Variants in TMEM178B observed in about 807,000 individuals in gnomAD.
TMEM178B encodes the protein transmembrane protein 178B.
In TMEM178B, 5 loss-of-function variants were observed where a neutral mutation model predicts 31.0. The ratio of observed to expected loss-of-function variants is 0.16; its 90% confidence interval spans 0.08 to 0.34. The LOEUF (loss-of-function observed/expected upper bound fraction) is 0.34. TMEM178B is among the 10% of genes least tolerant of loss of function. The pLI is 1.00. For missense variants in TMEM178B, 275 were observed against 400.3 expected, an observed-to-expected ratio of 0.69 and a Z score of 2.67; for synonymous variants, 164 against 164.0, an observed-to-expected ratio of 1.00 and a Z score of 0.00.
intron 3 of TMEM178B, among the ~76,000 whole-genome samples, chr7:141,463,208 A>G (rs1295661051): frequency 6.6e-6 from 1 of 152,190 alleles, no homozygotes; most frequent in Non-Finnish European, 1.5e-5. Flanking sequence ...CATTCCAACC[A>G]GCTGCGACTG....
intron 2 of TMEM178B, among the ~76,000 whole-genome samples, chr7:141,228,455 A>G (rs979618891): frequency 6.6e-6 from 1 of 152,026 alleles, no homozygotes; most frequent in African/African-American, 2.4e-5. Flanking sequence ...ATGAGTAGCT[A>G]TCACTTACTC....
At chr7:141,146,562 G>A (rs1318931973) in intron 1 of TMEM178B, among the ~76,000 whole-genome samples, 1 of 152,176 alleles carries the variant, frequency 6.6e-6, no homozygotes, top group Non-Finnish European at 1.5e-5. Flanking sequence ...AGATTACTAT[G>A]AGGATTAAAA....
At chr7:141,305,741 G>A (rs1189854191) in intron 2 of TMEM178B, among the ~76,000 whole-genome samples, 2 of 152,160 alleles carry the variant, frequency 1.3e-5, no homozygotes, top group Non-Finnish European at 2.9e-5. Flanking sequence ...GGCTGGCCCT[G>A]TGCTTTTCTT....
intron 2 of TMEM178B, among the ~76,000 whole-genome samples, chr7:141,400,165 C>T (rs1463631953): frequency 1.3e-5 from 2 of 152,190 alleles, no homozygotes; most frequent in East Asian, 3.8e-4. Flanking sequence ...CCCCTCTATA[C>T]TGGGAGTTCT....
chr7:141,460,141 A>G (rs1413296229), intron 3 of TMEM178B, among the ~76,000 whole-genome samples: 2 of 152,182 alleles, frequency 1.3e-5, no homozygotes, highest in Non-Finnish European at 2.9e-5. Context: ...CAGGGATGCT[A>G]TGACAAAATA....
intron 2 of TMEM178B, among the ~76,000 whole-genome samples, chr7:141,223,308 C>G (rs1797284817): frequency 6.6e-6 from 1 of 152,028 alleles, no homozygotes; most frequent in South Asian, 2.1e-4. Context: ...TCTCTTTGCT[C>G]TGGTTCTGGT....
chr7:141,250,259 C>T (rs1457590995), intron 2 of TMEM178B, among the ~76,000 whole-genome samples: 2 of 152,204 alleles, frequency 1.3e-5, no homozygotes, highest in Non-Finnish European at 2.9e-5. Flanking sequence ...TTACAGCACT[C>T]ATGCACTGAT....
At chr7:141,148,993 A>G (rs1006910511) in intron 1 of TMEM178B, among the ~76,000 whole-genome samples, 2 of 152,202 alleles carry the variant, frequency 1.3e-5, no homozygotes, top group African/African-American at 2.4e-5. Flanking sequence ...TGGCTGTGGC[A>G]TGAAGATGAA....
chr7:141,348,298 T>C (rs1241903869), intron 2 of TMEM178B, among the ~76,000 whole-genome samples: 1 of 152,258 alleles, frequency 6.6e-6, no homozygotes, highest in Non-Finnish European at 1.5e-5. Flanking sequence ...GACAGTTTTC[T>C]AAACTCGCCA....
chr7:141,156,476 G>T (rs897573927), intron 1 of TMEM178B, among the ~76,000 whole-genome samples: 2 of 152,298 alleles, frequency 1.3e-5, no homozygotes, highest in Admixed American at 6.5e-5. Flanking sequence ...ATAAAACACA[G>T]ATTCAAAAAT....
At chr7:141,127,311 T>C (rs1425328090) in intron 1 of TMEM178B, among the ~76,000 whole-genome samples, 1 of 152,224 alleles carries the variant, frequency 6.6e-6, no homozygotes, top group Non-Finnish European at 1.5e-5. Flanking sequence ...GGGCTGAATG[T>C]CTAAAAAGTT....
chr7:141,486,426 A>T, the TMEM178B span, among the ~76,000 whole-genome samples: 1 of 152,156 alleles, frequency 6.6e-6, no homozygotes, highest in African/African-American at 2.4e-5. Flanking sequence ...CTGCTTCAGG[A>T]CCCTGTCTGC....
intron 2 of TMEM178B, among the ~76,000 whole-genome samples, chr7:141,306,515 G>T (rs940035755): frequency 6.6e-6 from 1 of 152,046 alleles, no homozygotes; most frequent in South Asian, 2.1e-4. Context: ...GAAAAATCAA[G>T]CATTATTAGT....
At chr7:141,494,059 A>G in the TMEM178B span, among the ~76,000 whole-genome samples, 1 of 152,222 alleles carries the variant, frequency 6.6e-6, no homozygotes, top group Non-Finnish European at 1.5e-5. Context: ...CCAGTTTTCT[A>G]ACTAACACGA....
In TMEM178B at chr7:141,467,971, CAAAAAA is replaced by C. The variant is rs1011175319; in HGVS notation, c.635-2553_635-2548del. 1.9e-3 allele frequency among the ~76,000 whole-genome samples: 144 copies of C among 74,980 alleles called. 1 individual carries two copies. Among genetic ancestry groups the C allele is most frequent in the Non-Finnish European group, 8.6e-4 (27 of 31,484 alleles). 49.2% of individuals were successfully genotyped at this position (74,980 alleles called of 152,430 possible). A position where few individuals can be genotyped will look rare whatever the true frequency, so the allele number is the denominator to read the frequency against. ...CTTACTAGTTTTGGAGATGATCTTT[CAAAAAA>C]AAAAAAAAAAAGCAAAACAACAATA... On this transcript the variant is annotated intron_variant, in intron 3 of 3. Transcript: ENST00000565468.
intron 2 of TMEM178B, among the ~76,000 whole-genome samples, chr7:141,264,010 A>G (rs1258832175): frequency 6.6e-6 from 1 of 152,212 alleles, no homozygotes; most frequent in Non-Finnish European, 1.5e-5. Flanking sequence ...AGTCATGGAG[A>G]GTGGTACTTT....
rs1802051687 is a variant in TMEM178B, at chr7:141,461,100, T to C, written c.635-9436T>C. Among the ~76,000 whole-genome samples, 1 of 152,212 alleles carries C rather than the reference T, an allele frequency of 6.6e-6. No individual in the cohort carries two copies. The highest frequency in any genetic ancestry group is 2.1e-4 in the South Asian group (1 of 4,824). ...TATCATCTACTTCCCAGGACGGATG[T>C]GCCACTGTTGAAGGAGGAGGCCCTC... On this transcript the variant is annotated intron_variant, in intron 3 of 3. Coordinates refer to ENST00000565468, the MANE Select transcript of TMEM178B (RefSeq NM_001195278.2). This position sits in a 1 kb window ranked among gnomAD's most constrained non-coding sequence, Gnocchi z 4.0.
At chr7:141,108,409 T>C (rs1795180173) in intron 1 of TMEM178B, among the ~76,000 whole-genome samples, 1 of 152,104 alleles carries the variant, frequency 6.6e-6, no homozygotes, top group Admixed American at 6.5e-5. Flanking sequence ...ATCCAGAAGG[T>C]TCATGGGCAA....
chr7:141,375,699 G>A (rs116567537), intron 2 of TMEM178B, among the ~76,000 whole-genome samples: 195 of 152,292 alleles, frequency 1.3e-3, no homozygotes, highest in African/African-American at 4.5e-3. Context: ...ATTATATTTA[G>A]GAAGCCATGG....
Sources: allele counts gnomAD v4.1 joint callset (sites outside exome capture counted in the v4.1 genomes callset), GRCh38; gene constraint gnomAD v4.1.1; non-coding constraint Gnocchi (gnomAD v3.1); transcripts MANE v1.5; gene names NCBI Gene and HGNC (gene_info 2026-07-23, HGNC 2026-07-21).